Variants in AMPD1 observed in about 807,000 individuals in gnomAD.
The protein encoded by AMPD1 is AMP deaminase 1.
In AMPD1, 74 loss-of-function variants were observed where a neutral mutation model predicts 82.9. The ratio of observed to expected loss-of-function variants is 0.89; its 90% confidence interval spans 0.74 to 1.08. The LOEUF (loss-of-function observed/expected upper bound fraction) is 1.08. Among genes scored for constraint, AMPD1 ranks in the 50% least tolerant of loss-of-function variants. The pLI, the probability that AMPD1 is intolerant of heterozygous loss-of-function variation, is 0.00. For missense variants in AMPD1, 881 were observed against 924.5 expected (o/e 0.95, Z 0.61); for synonymous variants, 333 against 320.5 (o/e 1.04, Z -0.42).
At chr1:114,693,661 C>T (rs1301540821) in intron 1 of AMPD1, among the ~76,000 whole-genome samples, 2 of 152,094 alleles carry the variant, frequency 1.3e-5, no homozygotes, top group Admixed American at 6.5e-5. Flanking sequence ...TGTCTCTTAA[C>T]ATTTATAAGT....
At chr1:114,689,578 A>T (rs1658447150) in intron 2 of AMPD1, among the ~76,000 whole-genome samples, 1 of 152,124 alleles carries the variant, frequency 6.6e-6, no homozygotes, top group Non-Finnish European at 1.5e-5. Context: ...GCGCTTTGGG[A>T]GGGTGAGGAG....
At chr1:114,678,108 A>G (rs1441686586) in intron 8 of AMPD1, 67 bp from the exon 9 acceptor site, 2 of 1,600,300 alleles carry the variant, frequency 1.2e-6, no homozygotes, top group African/African-American at 2.7e-5. Flanking sequence ...GAGCTAGGAA[A>G]TAGTCAAGCA....
At chr1:114,686,200 A>C (rs1658312405) in intron 4 of AMPD1, among the ~76,000 whole-genome samples, 1 of 152,178 alleles carries the variant, frequency 6.6e-6, no homozygotes, top group Non-Finnish European at 1.5e-5. Flanking sequence ...TCGTCAAAAA[A>C]ACAATAGCCT....
At chr1:114,682,504 A>C (rs1342963739) in intron 5 of AMPD1, among the ~76,000 whole-genome samples, 1 of 152,198 alleles carries the variant, frequency 6.6e-6, no homozygotes, top group African/African-American at 2.4e-5. Flanking sequence ...TATGATTTTA[A>C]TATTAAAAGG....
Position 114,673,281 on chromosome 1 carries a change from G to A in AMPD1, c.2086-9C>T. The A allele has an allele frequency of 6.2e-7, 1 of 1,613,872 alleles. No homozygotes were observed. Among genetic ancestry groups the A allele is most frequent in the East Asian group, 2.2e-5 (1 of 44,876 alleles). ...AGAAACTTTACTTTCTCCTATAAGA[G>A]AAAAGGATGGCAGAATGATTGTTGT... On this transcript the variant is annotated splice_polypyrimidine_tract_variant and intron_variant, in intron 15 of 15. Transcript: ENST00000520113.
At chr1:114,683,128 A>C in intron 5 of AMPD1, 1 of 456,344 alleles carries the variant, frequency 2.2e-6, no homozygotes, top group Non-Finnish European at 4.4e-6. Context: ...AACTTTCTAC[A>C]AGGCAGAAGG....
At chr1:114,676,388 A>G (rs1262331347) in intron 10 of AMPD1, 2 of 275,108 alleles carry the variant, frequency 7.3e-6, no homozygotes, top group African/African-American at 2.2e-5. Flanking sequence ...CAATTTAACA[A>G]ACTCTGATAT....
chr1:114,679,789 C>A (rs1172546576), intron 6 of AMPD1, 81 bp from the exon 7 acceptor site: 21 of 1,482,920 alleles, frequency 1.4e-5, no homozygotes, highest in Non-Finnish European at 1.9e-5. Context: ...CTATCAGGAC[C>A]TTTATCATTC....
intron 5 of AMPD1, among the ~76,000 whole-genome samples, chr1:114,682,743 T>A (rs1244465239): frequency 3.9e-5 from 6 of 152,128 alleles, no homozygotes; most frequent in Non-Finnish European, 2.9e-5. Context: ...CACGCCTGGC[T>A]AATTTTTTGT....
At chr1:114,689,419 G>A (rs1007789568) in intron 2 of AMPD1, among the ~76,000 whole-genome samples, 1 of 152,148 alleles carries the variant, frequency 6.6e-6, no homozygotes, top group African/African-American at 2.4e-5. Context: ...AACCTTGGAA[G>A]GCCAATTTTA....
chr1:114,675,456 C>T (rs1270907879), intron 12 of AMPD1, 74 bp downstream of exon 12: 17 of 1,518,462 alleles, frequency 1.1e-5, no homozygotes, highest in Non-Finnish European at 1.5e-5. Flanking sequence ...GGCCCCTGAC[C>T]ACCTTAATTG....
At chr1:114,693,200 A>C (rs112311590) in intron 2 of AMPD1, among the ~76,000 whole-genome samples, 3 of 148,674 alleles carry the variant, frequency 2.0e-5, no homozygotes, top group Admixed American at 2.0e-4. Flanking sequence ...TCTTTTAAAA[A>C]ATTATATATA....
Position 114,675,549 on chromosome 1 carries a change from C to A in AMPD1, c.1660G>T (p.Val554Leu), listed in dbSNP as rs1657954624. Residue 554 changes from valine (V) to leucine (L), a missense_variant, in exon 12 of 16, where the codon GTG becomes TTG. Val to Leu is a conservative substitution (Grantham distance 32). Transcript: ENST00000520113. Reference protein sequence around the residue: ...YAYYMYANIMVLNSLRKERGM... With the variant: ...YAYYMYANIMLLNSLRKERGM... ...ACTTACTTTCTCAGGCTGTTGAGCACCATGATGTTTGCATACATGTAGTAG... is the reference window on the plus strand; with the variant it reads ...ACTTACTTTCTCAGGCTGTTGAGCAACATGATGTTTGCATACATGTAGTAG... 6.2e-7 allele frequency: 1 copy of A among 1,614,120 alleles called. No individual in the cohort carries two copies. Among genetic ancestry groups the A allele is most frequent in the Non-Finnish European group, 8.5e-7 (1 of 1,180,006 alleles).
At position 114,674,806 on chromosome 1, in the gene AMPD1, G is replaced by A. The variant is rs1570836925; in HGVS notation, c.1746C>T (p.Leu582=). 1.2e-5 allele frequency: 19 copies of A among 1,613,666 alleles called. No homozygotes were observed. The East Asian group carries it at 4.2e-4, about 36-fold the overall frequency. The change falls in exon 13 of 16, where the codon CTC becomes CTT. Residue 582 remains leucine (L), a synonymous_variant. Coordinates refer to ENST00000520113, the MANE Select transcript of AMPD1 (RefSeq NM_000036.3). ...HCGEAGALTH[L]MTAFMIADDI... is the part of the protein sequence containing the mutation. ...CATCTGCTATCATGAATGCTGTCAT[G>A]AGATGGGTGAGGGCTCCAGCTTCTC... is the stretch of plus-strand genomic sequence containing the variant.
intron 5 of AMPD1, among the ~76,000 whole-genome samples, chr1:114,681,338 T>C (rs903411280): frequency 2.6e-5 from 4 of 152,180 alleles, no homozygotes; most frequent in Non-Finnish European, 5.9e-5. Flanking sequence ...CTCACGCCTG[T>C]AATCCCAGCA....
chr1:114,678,574 T>TTAG (rs766029049), intron 7 of AMPD1, 47 bp from the exon 8 acceptor site: 7 of 1,531,364 alleles, frequency 4.6e-6, no homozygotes, highest in Non-Finnish European at 6.3e-6. Context: ...CAGCCTTAGT[T>TTAG]ATGCTACTCT....
At chr1:114,675,828 A>C (rs776767742) in intron 11 of AMPD1, 49 bp downstream of exon 11, 5 of 1,613,768 alleles carry the variant, frequency 3.1e-6, no homozygotes, top group Non-Finnish European at 4.2e-6. Flanking sequence ...ACCAGGTAGG[A>C]AGGCTGGTTC....
At chr1:114,674,555 A>G (rs1230531609) in intron 13 of AMPD1, among the ~76,000 whole-genome samples, 197 bp downstream of exon 13, 3 of 152,252 alleles carry the variant, frequency 2.0e-5, no homozygotes, top group African/African-American at 7.2e-5. Flanking sequence ...TTTATCTGAC[A>G]GCAACTAGCA....
At chr1:114,692,753 A>T (rs1400012744) in intron 2 of AMPD1, among the ~76,000 whole-genome samples, 1 of 141,018 alleles carries the variant, frequency 7.1e-6, no homozygotes, top group Non-Finnish European at 1.5e-5. Context: ...ATGAACAACA[A>T]TTTTTTTTTT....
Sources: gnomAD v4.1 joint callset for allele counts (sites outside exome capture counted in the v4.1 genomes callset) on GRCh38, gnomAD v4.1.1 for gene constraint, MANE v1.5 for transcripts, NCBI Gene and HGNC (gene_info 2026-07-23, HGNC 2026-07-21) for gene names.